CDK5RAP1: variants seen among roughly 807,000 people sequenced by gnomAD.
CDK5RAP1 encodes the protein mitochondrial tRNA methylthiotransferase CDK5RAP1.
Under a neutral mutation model 64.5 loss-of-function variants are expected in CDK5RAP1, and 62 were observed. The observed-to-expected ratio is 0.96, with a 90% CI of 0.78 to 1.19. CDK5RAP1 has a LOEUF of 1.19. CDK5RAP1 is among the 50% of genes most tolerant of loss of function. The pLI is 0.00. For missense variants in CDK5RAP1, 657 were observed against 735.0 expected (o/e 0.89, Z 1.23); for synonymous variants, 250 against 261.9 (o/e 0.95, Z 0.44).
intron 8 of CDK5RAP1, among the ~76,000 whole-genome samples, chr20:33,376,295 G>C (rs1985987944): frequency 6.6e-6 from 1 of 151,996 alleles, no homozygotes; most frequent in Non-Finnish European, 1.5e-5. Context: ...CCGCACTCCA[G>C]CCTGGGTGAC....
At chr20:33,391,359 A>G (rs1473673548) in intron 5 of CDK5RAP1, among the ~76,000 whole-genome samples, 1 of 152,132 alleles carries the variant, frequency 6.6e-6, no homozygotes, top group African/African-American at 2.4e-5. Context: ...GCTACTGAGA[A>G]GTTGAAATGT....
intron 8 of CDK5RAP1, 140 bp from the exon 9 acceptor site, chr20:33,374,352 C>T (rs1985621585): frequency 3.2e-6 from 2 of 621,370 alleles, no homozygotes; most frequent in East Asian, 2.8e-5. Flanking sequence ...CACAAAATCA[C>T]CTATTCCCTA....
rs138216659 is a variant in CDK5RAP1 at position 33,396,770 on chromosome 20, G to A, written c.295C>T (p.Gln99Ter). The A allele has an allele frequency of 6.2e-7, 1 of 1,612,008 alleles. No homozygotes were observed. Among genetic ancestry groups the A allele is most frequent in the Non-Finnish European group, 8.5e-7 (1 of 1,178,626 alleles). ...YLMMDELLGRQRKVYLETYGC... is the reference protein window; with the variant it reads ...YLMMDELLGR The stretch of plus-strand genomic sequence containing the variant: ...GCGAAGTAAAACCAACCTTTTCTCT[G>A]CCTTCCAAGAAGTTCATCCATCATG... The change falls in exon 2 of 14, where the codon CAG (glutamine) becomes TAG (stop). Residue 99 changes from glutamine (Q) to a stop codon, truncating the protein, a stop_gained. Transcript: ENST00000346416. LOFTEE classifies it high-confidence loss of function.
rs1415663466 is a variant in CDK5RAP1 at position 33,370,645 on chromosome 20, A to C, written c.1262-16T>G. 6.2e-7 allele frequency: 1 copy of C among 1,614,044 alleles called. No homozygotes were observed. On this transcript the variant is annotated splice_polypyrimidine_tract_variant and intron_variant, in intron 10 of 13. Coordinates refer to ENST00000346416, the MANE Select transcript of CDK5RAP1 (RefSeq NM_016408.4). ...AGGCTCACACCTGTGATACACAGCA[A>C]AGGATGACAGGTGACTGCCTGCTGT...
chr20:33,399,613 GT>G (rs1189796038), intron 1 of CDK5RAP1, among the ~76,000 whole-genome samples: 1 of 152,234 alleles, frequency 6.6e-6, no homozygotes, highest in Non-Finnish European at 1.5e-5. Context: ...CTAAACATCA[GT>G]GGTTCCCAAC....
At chr20:33,372,730 T>A (rs1290372389) in intron 9 of CDK5RAP1, 33 bp from the exon 10 acceptor site, 4 of 1,415,066 alleles carry the variant, frequency 2.8e-6, no homozygotes, top group Non-Finnish European at 9.9e-7. Context: ...AAGGCCTACA[T>A]AAATCCAACC....
intron 7 of CDK5RAP1, among the ~76,000 whole-genome samples, chr20:33,381,857 A>C (rs550713702): frequency 5.3e-5 from 8 of 152,300 alleles, no homozygotes; most frequent in African/African-American, 1.4e-4. Context: ...ACATACTGTT[A>C]ATCTAAAAAG....
At chr20:33,388,301 TTA>T (rs925971668) in intron 5 of CDK5RAP1, among the ~76,000 whole-genome samples, 6 of 152,098 alleles carry the variant, frequency 3.9e-5, no homozygotes, top group Admixed American at 1.3e-4. Context: ...CTTAAAAAAA[TTA>T]TGTTATTAAA....
At chr20:33,376,872 A>G (rs1986062983) in intron 8 of CDK5RAP1, among the ~76,000 whole-genome samples, 1 of 152,188 alleles carries the variant, frequency 6.6e-6, no homozygotes, top group Non-Finnish European at 1.5e-5. Context: ...CAACATTAAT[A>G]GGAGTTTGGA....
intron 10 of CDK5RAP1, among the ~76,000 whole-genome samples, chr20:33,371,230 G>A (rs920626323): frequency 1.3e-5 from 2 of 152,134 alleles, no homozygotes; most frequent in African/African-American, 4.8e-5. Context: ...GGAGGTCAAG[G>A]CTGCAGTGAA....
intron 1 of CDK5RAP1, among the ~76,000 whole-genome samples, chr20:33,400,621 A>G (rs1989316199): frequency 6.6e-6 from 1 of 152,160 alleles, no homozygotes; most frequent in African/African-American, 2.4e-5. Flanking sequence ...AGAGAGTATT[A>G]GAGCATCCTG....
Position 33,359,014 on chromosome 20 carries a change from C to A in CDK5RAP1, c.*29G>T, listed in dbSNP as rs750992758. On this transcript the variant is annotated 3_prime_UTR_variant, in exon 14 of 14. Coordinates refer to ENST00000346416, the MANE Select transcript of CDK5RAP1 (RefSeq NM_016408.4). ...CCCCTTCCTGTTGGGGAGGATTGCC[C>A]AAGTCAGCTCTGAGGCCATCCTCTC... 2 of 1,532,362 alleles carry A rather than the reference C, an allele frequency of 1.3e-6. No homozygotes were observed. Among genetic ancestry groups the A allele is most frequent in the Admixed American group, 3.4e-5 (2 of 59,156 alleles). 94.9% of individuals were successfully genotyped at this position (1,532,362 alleles called of 1,614,324 possible). A position where few individuals can be genotyped will look rare whatever the true frequency, so the allele number is the denominator to read the frequency against.
chr20:33,385,779 G>T lies in CDK5RAP1; in HGVS notation c.756-9C>A. ...AGCCTCGCATGATTGACCTGGAGAA[G>T]AAAGTACCAGAACTTAGTAACAGTA... On this transcript the variant is annotated splice_polypyrimidine_tract_variant and intron_variant, in intron 6 of 13. Coordinates refer to ENST00000346416, the MANE Select transcript of CDK5RAP1 (RefSeq NM_016408.4). The T allele has an allele frequency of 6.2e-7, 1 of 1,609,396 alleles. No homozygotes were observed. The highest frequency in any genetic ancestry group is 8.5e-7 in the Non-Finnish European group (1 of 1,177,860).
chr20:33,382,181 T>G (rs1360339969), intron 7 of CDK5RAP1, among the ~76,000 whole-genome samples: 1 of 152,196 alleles, frequency 6.6e-6, no homozygotes, highest in African/African-American at 2.4e-5. Context: ...GCAACTTTCC[T>G]GTAAATGTAA....
At position 33,401,484 on chromosome 20, in the gene CDK5RAP1, G is replaced by T. The variant is rs1989415241; in HGVS notation, c.-77C>A. 4.1e-6 allele frequency: 4 copies of T among 985,398 alleles called. No homozygotes were observed. Among genetic ancestry groups the T allele is most frequent in the East Asian group, 1.1e-4 (1 of 8,804 alleles). The allele number at this position is 985,398 out of a possible 1,614,324, so 61.0% of individuals were successfully genotyped here. A position where few individuals can be genotyped will look rare whatever the true frequency, so the allele number is the denominator to read the frequency against. ...GCAGCGTAAGTTCTGCCGGCAAGTCGGATCCCCTCACAGGTCCGCCGCTGC... is the reference window on the plus strand; with the variant it reads ...GCAGCGTAAGTTCTGCCGGCAAGTCTGATCCCCTCACAGGTCCGCCGCTGC... On this transcript the variant is annotated 5_prime_UTR_variant, in exon 1 of 14. Transcript: ENST00000346416.
At chr20:33,363,872 C>T (rs1357969225) in intron 12 of CDK5RAP1, among the ~76,000 whole-genome samples, 2 of 151,888 alleles carry the variant, frequency 1.3e-5, no homozygotes, top group African/African-American at 4.8e-5. Flanking sequence ...ACACTCCAGC[C>T]AGGGAGACAG....
In CDK5RAP1 at chr20:33,374,115, C is replaced by CCCCT; in HGVS notation, c.1201_1204dup (p.Gly402GlufsTer16). The CCCCT allele has an allele frequency of 6.2e-7, 1 of 1,609,814 alleles. No homozygotes were observed. Among genetic ancestry groups the CCCCT allele is most frequent in the Non-Finnish European group, 8.5e-7 (1 of 1,176,192 alleles). On this transcript the variant is annotated frameshift_variant and splice_region_variant, in exon 9 of 14. Coordinates refer to ENST00000346416, the MANE Select transcript of CDK5RAP1 (RefSeq NM_016408.4). LOFTEE classifies it high-confidence loss of function. ...TGCCCCCTCTCCAAGCAAGCCTGACCCCCTCCGCATGGCCTCCAACACACG... is the reference window on the plus strand; with the variant it reads ...TGCCCCCTCTCCAAGCAAGCCTGACCCCCTCCCTCCGCATGGCCTCCAACACACG...
At chr20:33,379,404 C>T (rs1252212909) in intron 8 of CDK5RAP1, 57 bp downstream of exon 8, 7 of 1,301,382 alleles carry the variant, frequency 5.4e-6, no homozygotes, top group African/African-American at 1.5e-5. Flanking sequence ...CTGGGTCCAG[C>T]CTTTGGCATG....
intron 2 of CDK5RAP1, among the ~76,000 whole-genome samples, chr20:33,395,784 G>A (rs1039368947): frequency 5.9e-5 from 9 of 152,090 alleles, no homozygotes; most frequent in South Asian, 2.1e-4. Flanking sequence ...AGGCCAAGGC[G>A]GGCAGATCAC....
Sources: gnomAD v4.1 joint callset for allele counts (sites outside exome capture counted in the v4.1 genomes callset) on GRCh38, gnomAD v4.1.1 for gene constraint, MANE v1.5 for transcripts, NCBI Gene and HGNC (gene_info 2026-07-23, HGNC 2026-07-21) for gene names.